Variants in CAMTA1 observed in about 807,000 individuals in gnomAD.
CAMTA1 encodes calmodulin-binding transcription activator 1.
A neutral mutation model predicts 170.9 loss-of-function variants in CAMTA1; 27 were observed. The observed-to-expected ratio is 0.16, with a 90% CI of 0.12 to 0.22. CAMTA1 has a LOEUF of 0.22. Among genes scored for constraint, CAMTA1 ranks in the 10% least tolerant of loss-of-function variants. The probability of loss-of-function intolerance (pLI) is 1.00; values close to 1 mark genes in which losing one functional copy is unlikely to be tolerated. For missense variants in CAMTA1, 1,619 were observed against 2,217.2 expected (o/e 0.73, Z 5.42); for synonymous variants, 833 against 891.5 (o/e 0.93, Z 1.17).
chr1:7,160,422 C>T (rs1647142357), intron 4 of CAMTA1, among the ~76,000 whole-genome samples: 1 of 152,102 alleles, frequency 6.6e-6, no homozygotes, highest in Non-Finnish European at 1.5e-5. Context: ...TTTCTCAGTC[C>T]TCGTTTCTTT....
intron 5 of CAMTA1, among the ~76,000 whole-genome samples, chr1:7,319,539 C>T (rs1212887427): frequency 6.6e-6 from 1 of 152,114 alleles, no homozygotes; most frequent in Non-Finnish European, 1.5e-5. Context: ...CCTGTGGAAC[C>T]GTGAGCCAAT....
chr1:7,419,800 C>G (rs1474300868), intron 5 of CAMTA1, among the ~76,000 whole-genome samples: 1 of 152,146 alleles, frequency 6.6e-6, no homozygotes, highest in Non-Finnish European at 1.5e-5. Flanking sequence ...GCCATTCAGC[C>G]AAAATCATCA....
At chr1:7,125,751 G>A (rs950517739) in intron 4 of CAMTA1, among the ~76,000 whole-genome samples, 5 of 152,128 alleles carry the variant, frequency 3.3e-5, no homozygotes, top group African/African-American at 1.2e-4. Flanking sequence ...GAGGGAACAG[G>A]CCCCTGAGGG....
At chr1:7,235,893 A>G (rs2149232846) in intron 4 of CAMTA1, among the ~76,000 whole-genome samples, 2 of 152,334 alleles carry the variant, frequency 1.3e-5, no homozygotes, top group Middle Eastern at 6.8e-3. Flanking sequence ...TAATCAAATA[A>G]AGCAAATTGG....
chr1:7,276,443 TGTGACTACA>T (rs1044284653), intron 5 of CAMTA1, among the ~76,000 whole-genome samples: 173 of 150,868 alleles, frequency 1.1e-3, no homozygotes, highest in African/African-American at 4.2e-3. Context: ...CTTGAGTAGC[TGTGACTACA>T]GGCGCCCGCC....
At chr1:7,615,447 C>A (rs554918442) in intron 6 of CAMTA1, among the ~76,000 whole-genome samples, 1 of 152,140 alleles carries the variant, frequency 6.6e-6, no homozygotes, top group Admixed American at 6.5e-5. Flanking sequence ...CTGATTAGCT[C>A]GAATCTTCTG....
At chr1:7,107,061 A>G (rs1434077119) in intron 4 of CAMTA1, among the ~76,000 whole-genome samples, 1 of 152,026 alleles carries the variant, frequency 6.6e-6, no homozygotes, top group Non-Finnish European at 1.5e-5. Context: ...TCGAAATGCA[A>G]TTCCATAATG....
intron 5 of CAMTA1, among the ~76,000 whole-genome samples, chr1:7,322,720 G>T (rs1394549691): frequency 6.6e-6 from 1 of 152,156 alleles, no homozygotes; most frequent in African/African-American, 2.4e-5. Context: ...TATCTTCTTA[G>T]TCTCTGTTTC....
intron 3 of CAMTA1, among the ~76,000 whole-genome samples, chr1:6,895,395 T>A (rs1047318086): frequency 1.8e-4 from 28 of 152,212 alleles, no homozygotes; most frequent in South Asian, 6.2e-4. Context: ...CCAAGCCACC[T>A]TCTTTTCTTT....
chr1:7,317,388 C>G (rs1477294115), intron 5 of CAMTA1, among the ~76,000 whole-genome samples: 2 of 152,218 alleles, frequency 1.3e-5, no homozygotes, highest in Non-Finnish European at 2.9e-5. Flanking sequence ...CACTCAACCT[C>G]TCTGTGGCTC....
At chr1:7,142,811 C>A (rs892640105) in intron 4 of CAMTA1, among the ~76,000 whole-genome samples, 4 of 152,188 alleles carry the variant, frequency 2.6e-5, no homozygotes, top group African/African-American at 9.7e-5. Context: ...GCCAAATGAA[C>A]CTCTTTCCTT....
At chr1:7,066,850 C>T (rs1709028252) in intron 3 of CAMTA1, among the ~76,000 whole-genome samples, 1 of 152,204 alleles carries the variant, frequency 6.6e-6, no homozygotes, top group Admixed American at 6.5e-5. Context: ...AAATTGTCAT[C>T]TGGGAAGCAT....
chr1:6,834,251 T>C (rs1234471251), intron 3 of CAMTA1: 1 of 151,042 alleles, frequency 6.6e-6, no homozygotes, highest in Non-Finnish European at 1.5e-5. Flanking sequence ...TAAAAATTTA[T>C]TTTTTAATTT....
intron 3 of CAMTA1, among the ~76,000 whole-genome samples, chr1:6,830,948 A>C (rs990279053): frequency 6.6e-6 from 1 of 151,938 alleles, no homozygotes; most frequent in African/African-American, 2.4e-5. Flanking sequence ...CCTCCTGAGT[A>C]GCTGGGACTA....
At chr1:7,253,221 G>A (rs1365153248) in intron 5 of CAMTA1, among the ~76,000 whole-genome samples, 2 of 152,194 alleles carry the variant, frequency 1.3e-5, no homozygotes, top group Non-Finnish European at 1.5e-5. Context: ...AGCTTTGGGA[G>A]TGGGAGACTC....
At chr1:6,858,486 T>G (rs35762265) in intron 3 of CAMTA1, among the ~76,000 whole-genome samples, 16 of 90,112 alleles carry the variant, frequency 1.8e-4, no homozygotes, top group South Asian at 4.0e-4. Flanking sequence ...GTGTGTGTGT[T>G]GGGGGGGGGG....
intron 4 of CAMTA1, among the ~76,000 whole-genome samples, chr1:7,150,566 C>T (rs914860197): frequency 2.1e-4 from 32 of 152,218 alleles, no homozygotes; most frequent in African/African-American, 7.7e-4. Flanking sequence ...GGTTTCCACC[C>T]ACTAGATGCC....
intron 3 of CAMTA1, among the ~76,000 whole-genome samples, chr1:6,869,623 C>T (rs988548706): frequency 6.6e-6 from 1 of 152,172 alleles, no homozygotes; most frequent in African/African-American, 2.4e-5. Context: ...TTACCTTCCC[C>T]TCCCTAAATA....
chr1:7,533,860 G>A (rs1238674520), intron 6 of CAMTA1, among the ~76,000 whole-genome samples: 5 of 152,090 alleles, frequency 3.3e-5, no homozygotes, highest in Non-Finnish European at 7.4e-5. Flanking sequence ...GTTGCAGTAA[G>A]CCGCAGTCAC....
Sources: allele counts gnomAD v4.1 joint callset (sites outside exome capture counted in the v4.1 genomes callset), GRCh38; gene constraint gnomAD v4.1.1; transcripts MANE v1.5; gene names NCBI Gene and HGNC (gene_info 2026-07-23, HGNC 2026-07-21).